NTM: variants seen among roughly 807,000 people sequenced by gnomAD.
NTM encodes the protein neurotrimin, also known as IgLON family member 2.
NTM carries 13 observed loss-of-function variants against 42.1 expected under a neutral mutation model. The ratio of observed to expected loss-of-function variants is 0.31; its 90% CI spans 0.20 to 0.49. The LOEUF (loss-of-function observed/expected upper bound fraction) is 0.49, where lower values mean the gene tolerates loss of function less well. Among genes scored for constraint, NTM ranks in the 20% least tolerant of loss-of-function variants. The pLI, the probability that NTM is intolerant of heterozygous loss-of-function variation, is 0.99. For missense variants in NTM, 373 were observed against 452.8 expected, an observed-to-expected ratio of 0.82 and a Z score of 1.60; for synonymous variants, 187 against 179.2, an observed-to-expected ratio of 1.04 and a Z score of -0.35.
intron 1 of NTM, among the ~76,000 whole-genome samples, chr11:131,808,973 G>A (rs1294253962): frequency 1.3e-5 from 2 of 152,302 alleles, no homozygotes; most frequent in East Asian, 3.9e-4. Context: ...CACCTACCTA[G>A]CAATGCTAAT....
At chr11:131,899,322 T>G (rs1327687418) in intron 1 of NTM, among the ~76,000 whole-genome samples, 1 of 152,164 alleles carries the variant, frequency 6.6e-6, no homozygotes, top group African/African-American at 2.4e-5. Context: ...GGAACTGTTC[T>G]CCTCCTCAGG....
At chr11:132,312,742 A>AGTGG (rs1440190092) in intron 6 of NTM, 1 of 154,946 alleles carries the variant, frequency 6.5e-6, no homozygotes, top group African/African-American at 2.4e-5. Flanking sequence ...CAAAACGGCC[A>AGTGG]GTGGGATCAA....
chr11:131,609,043 A>T (rs746133613), intron 1 of NTM, among the ~76,000 whole-genome samples: 17 of 152,348 alleles, frequency 1.1e-4, no homozygotes, highest in East Asian at 1.9e-4. Flanking sequence ...CGCATGCCCA[A>T]CAGTTAAAAA....
At chr11:131,669,903 G>A (rs2069814765) in intron 1 of NTM, among the ~76,000 whole-genome samples, 1 of 152,164 alleles carries the variant, frequency 6.6e-6, no homozygotes, top group Non-Finnish European at 1.5e-5. Flanking sequence ...CCACAAAGGG[G>A]CCGGATAAGT....
intron 1 of NTM, among the ~76,000 whole-genome samples, chr11:131,651,848 C>T (rs2066527099): frequency 1.4e-5 from 2 of 147,556 alleles, no homozygotes. Context: ...CCCGCCCCCC[C>T]GACCCAAAAA....
At chr11:131,559,888 C>T (rs114468474) in intron 1 of NTM, among the ~76,000 whole-genome samples, 5,782 of 152,216 alleles carry the variant, frequency 0.038, 135 homozygotes, top group Middle Eastern at 0.1. Flanking sequence ...TCCCATTGCC[C>T]ACCTAACTGC....
At chr11:131,421,177 A>T (rs1268919372) in intron 1 of NTM, among the ~76,000 whole-genome samples, 1 of 152,186 alleles carries the variant, frequency 6.6e-6, no homozygotes, top group African/African-American at 2.4e-5. Context: ...TGAGATCAGT[A>T]TGTCCTGTAT....
chr11:131,753,236 TAAC>T (rs2082811518), intron 1 of NTM, among the ~76,000 whole-genome samples: 1 of 152,018 alleles, frequency 6.6e-6, no homozygotes, highest in Admixed American at 6.6e-5. Flanking sequence ...AAAAGTCAGG[TAAC>T]AACAGGTGCT....
chr11:131,954,843 C>A (rs1209802304), intron 2 of NTM, among the ~76,000 whole-genome samples: 1 of 152,158 alleles, frequency 6.6e-6, no homozygotes. Flanking sequence ...GTTACCTACT[C>A]ATATAACTTA....
At chr11:131,401,830 A>ATGTG (rs1486410979) in intron 1 of NTM, among the ~76,000 whole-genome samples, 22 of 65,316 alleles carry the variant, frequency 3.4e-4, no homozygotes, top group South Asian at 7.0e-4. Context: ...ATATATATAT[A>ATGTG]TATATATATA....
chr11:131,503,638 T>G (rs768902232), intron 1 of NTM, among the ~76,000 whole-genome samples: 5 of 151,740 alleles, frequency 3.3e-5, no homozygotes, highest in Admixed American at 6.6e-5. Flanking sequence ...TTTTCCCACC[T>G]CAGCCTCCCA....
intron 4 of NTM, among the ~76,000 whole-genome samples, chr11:132,297,495 C>T (rs934885951): frequency 7.2e-5 from 11 of 152,182 alleles, no homozygotes; most frequent in South Asian, 2.1e-4. Context: ...CTGCATCCTC[C>T]GTGCATTTCA....
intron 2 of NTM, among the ~76,000 whole-genome samples, chr11:132,028,137 G>C (rs887205172): frequency 6.6e-6 from 1 of 150,942 alleles, no homozygotes; most frequent in Non-Finnish European, 1.5e-5. Flanking sequence ...TTTTCCATTA[G>C]AACTCTTAGC....
At chr11:131,694,025 A>T (rs1272381045) in intron 1 of NTM, among the ~76,000 whole-genome samples, 1 of 152,104 alleles carries the variant, frequency 6.6e-6, no homozygotes, top group East Asian at 1.9e-4. Context: ...CTATTCTTGG[A>T]TGCTTGGTCA....
At chr11:131,380,295 C>A (rs1278270737) in intron 1 of NTM, among the ~76,000 whole-genome samples, 1 of 151,550 alleles carries the variant, frequency 6.6e-6, no homozygotes, top group Non-Finnish European at 1.5e-5. Flanking sequence ...TCAACCTCCG[C>A]CTCCCGGGTT....
chr11:132,037,093 C>T (rs1378059393), intron 2 of NTM, among the ~76,000 whole-genome samples: 1 of 152,104 alleles, frequency 6.6e-6, no homozygotes, highest in Non-Finnish European at 1.5e-5. Context: ...GAAGTTTGAT[C>T]CCTGATGTTG....
At chr11:131,896,018 A>G (rs1472319511) in intron 1 of NTM, among the ~76,000 whole-genome samples, 2 of 152,172 alleles carry the variant, frequency 1.3e-5, no homozygotes, top group Admixed American at 6.5e-5. Flanking sequence ...TTAACTTGGG[A>G]TACTTCTTGA....
At chr11:132,093,414 A>G (rs747064860) in intron 2 of NTM, among the ~76,000 whole-genome samples, 1 of 152,104 alleles carries the variant, frequency 6.6e-6, no homozygotes, top group African/African-American at 2.4e-5. Flanking sequence ...CTTATTTTTC[A>G]TCTCTCTGTC....
At chr11:131,376,168 G>A (rs111591848) in intron 1 of NTM, among the ~76,000 whole-genome samples, 4 of 152,210 alleles carry the variant, frequency 2.6e-5, no homozygotes, top group African/African-American at 9.6e-5. Flanking sequence ...GAAGCGGGGA[G>A]GGAGGCCAAC....
Sources: allele counts gnomAD v4.1 joint callset (sites outside exome capture counted in the v4.1 genomes callset), GRCh38; gene constraint gnomAD v4.1.1; transcripts MANE v1.5; gene names NCBI Gene and HGNC (gene_info 2026-07-23, HGNC 2026-07-21).